Variants in MYL12A observed in about 807,000 individuals in gnomAD.
MYL12A encodes myosin regulatory light chain 12A.
A neutral mutation model predicts 13.3 loss-of-function variants in MYL12A; 11 were observed. That is an observed-to-expected ratio of 0.83 (90% confidence interval 0.52 to 1.37). The LOEUF (loss-of-function observed/expected upper bound fraction) is 1.37, where lower values mean the gene tolerates loss of function less well. MYL12A is among the 40% of genes most tolerant of loss of function. The pLI is 0.00. For missense variants in MYL12A, 146 were observed against 212.3 expected, an observed-to-expected ratio of 0.69 and a Z score of 1.94; for synonymous variants, 51 against 69.9, an observed-to-expected ratio of 0.73 and a Z score of 1.35.
At position 3,252,415 on chromosome 18, in the gene MYL12A, C is replaced by G. The variant is rs977322933; in HGVS notation, c.-15-818C>G. 11 of 1,414,360 alleles carry G rather than the reference C, an allele frequency of 7.8e-6. No homozygotes were observed. In the Admixed American group the frequency reaches 1.2e-4, roughly 16 times the overall value. 87.6% of individuals were successfully genotyped at this position (1,414,360 alleles called of 1,614,324 possible). A position where few individuals can be genotyped will look rare whatever the true frequency, so the allele number is the denominator to read the frequency against. On this transcript the variant is annotated intron_variant, in intron 1 of 3. Coordinates refer to ENST00000217652, the MANE Select transcript of MYL12A (RefSeq NM_006471.4). Reference sequence around the variant, plus strand: ...TAACAGATTGAGTATTGAAAATTGCCTTTTTATTTTAGGTATTATTAGACA... The same window carrying G: ...TAACAGATTGAGTATTGAAAATTGCGTTTTTATTTTAGGTATTATTAGACA...
intron 3 of MYL12A, among the ~76,000 whole-genome samples, chr18:3,254,560 G>T (rs1223486804): frequency 6.6e-6 from 1 of 152,206 alleles, no homozygotes; most frequent in Non-Finnish European, 1.5e-5. Flanking sequence ...GGGGCAAGTT[G>T]CTTAACTTTC....
intron 1 of MYL12A, among the ~76,000 whole-genome samples, chr18:3,248,828 T>C (rs2081455468): frequency 6.6e-6 from 1 of 152,148 alleles, no homozygotes. Context: ...GAAGTTTGCA[T>C]AAGAAATGAA....
intron 1 of MYL12A, chr18:3,249,361 C>T (rs899868230): frequency 6.6e-6 from 1 of 152,104 alleles, no homozygotes; most frequent in Non-Finnish European, 1.5e-5. Flanking sequence ...CTCGTTACAG[C>T]CCACAATGAT....
At chr18:3,253,844 T>C (rs748123252) in intron 2 of MYL12A, 45 bp from the exon 3 acceptor site, 90 of 1,519,544 alleles carry the variant, frequency 5.9e-5, no homozygotes, top group Non-Finnish European at 7.6e-5. Context: ...ATAGTTGATA[T>C]GTATTGTAAT....
In MYL12A at chr18:3,254,019, T is replaced by C. The variant is rs1305389646; in HGVS notation, c.312T>C (p.Asn104=). 1.4e-5 allele frequency: 22 copies of C among 1,612,866 alleles called. No individual in the cohort carries two copies. The highest frequency in any genetic ancestry group is 1.9e-5 in the Non-Finnish European group (22 of 1,179,600). The part of the protein sequence containing the change: ...NGTDPEDVIR[N]AFACFDEEAT... ...CAGATCCTGAAGATGTCATCAGAAA[T>C]GCCTTTGCTTGCTTTGATGAAGAAG... The change falls in exon 3 of 4, where the codon AAT becomes AAC. Residue 104 remains asparagine (N), a synonymous_variant. Transcript: ENST00000217652.
Position 3,253,415 on chromosome 18 carries a change from G to A in MYL12A, c.168G>A (p.Met56Ile), listed in dbSNP as rs1277134358. 16 of 1,613,260 alleles carry A rather than the reference G, an allele frequency of 9.9e-6. No homozygotes were observed. Among genetic ancestry groups the A allele is most frequent in the Non-Finnish European group, 1.3e-5 (15 of 1,179,548 alleles). ...TCGACAAGGAAGATTTGCATGATAT[G>A]CTTGCTTCATTGGGTAATGCTCAGT... is the stretch of plus-strand genomic sequence containing the variant. ...GFIDKEDLHD[M>I]LASLGKNPTD... The change falls in exon 2 of 4, where the codon ATG (methionine) becomes ATA (isoleucine). Residue 56 changes from methionine (M) to isoleucine (I), a missense_variant. Transcript: ENST00000217652.
chr18:3,252,606 G>A (rs1043955497), intron 1 of MYL12A: 9 of 551,112 alleles, frequency 1.6e-5, no homozygotes, highest in African/African-American at 1.4e-4. Context: ...TAGTGTGACT[G>A]TAATGCAAGA....
At chr18:3,251,069 A>C (rs1207501672) in intron 1 of MYL12A, among the ~76,000 whole-genome samples, 1 of 152,110 alleles carries the variant, frequency 6.6e-6, no homozygotes, top group Non-Finnish European at 1.5e-5. Flanking sequence ...TAACTTCATA[A>C]TAAAATTGAT....
intron 1 of MYL12A, chr18:3,249,462 T>G (rs891763240): frequency 6.6e-6 from 1 of 152,238 alleles, no homozygotes; most frequent in Non-Finnish European, 1.5e-5. Context: ...CCTTTAGATC[T>G]GTAAACTCAG....
chr18:3,254,708 A>C (rs1296548940), intron 3 of MYL12A, among the ~76,000 whole-genome samples: 2 of 152,268 alleles, frequency 1.3e-5, no homozygotes, highest in African/African-American at 4.8e-5. Context: ...TCTCAAAAAA[A>C]CAAAATGTTA....
chr18:3,253,971 G>A lies in MYL12A; in HGVS notation c.264G>A (p.Met88Ile), dbSNP rs1196674776. 8 of 1,613,916 alleles carry A rather than the reference G, an allele frequency of 5.0e-6. No individual in the cohort carries two copies. Among genetic ancestry groups the A allele is most frequent in the Non-Finnish European group, 6.8e-6 (8 of 1,179,876 alleles). ...TCAATTTCACCATGTTCCTCACCAT[G>A]TTTGGTGAGAAGTTAAATGGCACAG... is the stretch of plus-strand genomic sequence containing the variant. ...GPINFTMFLT[M>I]FGEKLNGTDP... is the part of the protein sequence containing the mutation. Residue 88 changes from methionine (M) to isoleucine (I), a missense_variant, in exon 3 of 4, where the codon ATG (methionine) becomes ATA (isoleucine). Transcript: ENST00000217652.
chr18:3,254,405 A>G (rs2081517781), intron 3 of MYL12A, among the ~76,000 whole-genome samples: 1 of 152,226 alleles, frequency 6.6e-6, no homozygotes, highest in Non-Finnish European at 1.5e-5. Flanking sequence ...ACAATCCTGT[A>G]TATGTTTACC....
chr18:3,249,351 C>G (rs1221826301), intron 1 of MYL12A: 1 of 152,134 alleles, frequency 6.6e-6, no homozygotes, highest in Non-Finnish European at 1.5e-5. Context: ...TTGTGTATCT[C>G]TCGTTACAGC....
chr18:3,253,666 C>G, intron 2 of MYL12A: 1 of 665,804 alleles, frequency 1.5e-6, no homozygotes. Context: ...ATTATGGAAG[C>G]AGTATTATTC....
intron 3 of MYL12A, among the ~76,000 whole-genome samples, chr18:3,254,685 GCA>G (rs995965285): frequency 7.4e-4 from 113 of 152,306 alleles, no homozygotes; most frequent in African/African-American, 2.6e-3. Flanking sequence ...ATACTGTGTG[GCA>G]CAGAGTTAAC....
Position 3,255,952 on chromosome 18 carries a change from T to TG in MYL12A, c.*35dup, listed in dbSNP as rs2081533371. The TG allele has an allele frequency of 6.2e-7, 1 of 1,606,578 alleles. No individual in the cohort carries two copies. Among genetic ancestry groups the TG allele is most frequent in the South Asian group, 1.1e-5 (1 of 89,936 alleles). On this transcript the variant is annotated 3_prime_UTR_variant, in exon 4 of 4. Coordinates refer to ENST00000217652, the MANE Select transcript of MYL12A (RefSeq NM_006471.4). ...CAAATTCCAGCCAAACGTTCCTTGT[T>TG]GCCACTTTGGGTATTCTGAGATTTT...
At position 3,256,073 on chromosome 18, in the gene MYL12A, C is replaced by T. The variant is rs892902945; in HGVS notation, c.*155C>T. On this transcript the variant is annotated 3_prime_UTR_variant, in exon 4 of 4. Coordinates refer to ENST00000217652, the MANE Select transcript of MYL12A (RefSeq NM_006471.4). ...TGTATCTTTATAATCAGACTGGAAA[C>T]GGGACTTTCTATTAATATCATTTTC... 13 of 932,994 alleles carry T rather than the reference C, an allele frequency of 1.4e-5. No homozygotes were observed. Among genetic ancestry groups the T allele is most frequent in the Admixed American group, 3.0e-5 (1 of 33,098 alleles). 57.8% of individuals were successfully genotyped at this position (932,994 alleles called of 1,614,324 possible).
At position 3,249,325 on chromosome 18, in the gene MYL12A, A is replaced by G. The variant is rs569024286; in HGVS notation, c.-16+1416A>G. 8.4e-4 allele frequency: 128 copies of G among 152,190 alleles called. 1 individual carries two copies. Among genetic ancestry groups the G allele is most frequent in the African/African-American group, 3.0e-3 (123 of 41,506 alleles). The allele number at this position is 152,190 out of a possible 1,614,324, so 9.4% of individuals were successfully genotyped here. On this transcript the variant is annotated intron_variant, in intron 1 of 3. Coordinates refer to ENST00000217652, the MANE Select transcript of MYL12A (RefSeq NM_006471.4). ...CTCCCACCTATTAATCTAGTCTAAC[A>G]TTTTCCTTAATCATGTTGTGTATCT...
intron 1 of MYL12A, 45 bp from the exon 2 acceptor site, chr18:3,253,188 C>A: frequency 6.5e-7 from 1 of 1,545,100 alleles, no homozygotes; most frequent in Non-Finnish European, 8.8e-7. Context: ...CTTAAGTAAT[C>A]TTAGATGTTG....
Sources: allele counts gnomAD v4.1 joint callset (sites outside exome capture counted in the v4.1 genomes callset), GRCh38; gene constraint gnomAD v4.1.1; transcripts MANE v1.5; gene names NCBI Gene and HGNC (gene_info 2026-07-23, HGNC 2026-07-21).